NAV3: variants seen among roughly 807,000 people sequenced by gnomAD.
NAV3 encodes pore membrane and/or filament interacting like protein 1.
In NAV3, 87 loss-of-function variants were observed where a neutral mutation model predicts 244.7. That is an observed-to-expected ratio of 0.36 (90% confidence interval 0.30 to 0.42). The LOEUF is 0.42. Among genes scored for constraint, NAV3 ranks in the 20% least tolerant of loss-of-function variants. NAV3 has a pLI of 1.00. For missense variants in NAV3, 2,663 were observed against 2,893.3 expected, an observed-to-expected ratio of 0.92 and a Z score of 1.83; for synonymous variants, 1,126 against 1,042.2, an observed-to-expected ratio of 1.08 and a Z score of -1.55.
chr12:77,684,381 G>A (rs1317022988), intron 2 of NAV3, among the ~76,000 whole-genome samples: 1 of 151,780 alleles, frequency 6.6e-6, no homozygotes, highest in Non-Finnish European at 1.5e-5. Context: ...ATTTCTCTCT[G>A]TCTCTCTCTC....
intron 20 of NAV3, among the ~76,000 whole-genome samples, 167 bp from the exon 21 acceptor site, chr12:78,146,200 TAA>T (rs1397950174): frequency 6.6e-6 from 1 of 152,124 alleles, no homozygotes; most frequent in Non-Finnish European, 1.5e-5. Context: ...TATAAAATTC[TAA>T]AGTAACTTGC....
chr12:78,085,950 G>A (rs967207403), intron 12 of NAV3, among the ~76,000 whole-genome samples: 3 of 152,082 alleles, frequency 2.0e-5, no homozygotes, highest in African/African-American at 7.2e-5. Context: ...AAATTTGTCA[G>A]AGACAATGTG....
chr12:77,978,444 ACTTT>A (rs1868908289), intron 5 of NAV3, among the ~76,000 whole-genome samples: 1 of 152,148 alleles, frequency 6.6e-6, no homozygotes. Context: ...TGTATGAGCC[ACTTT>A]CTTCTCAAAT....
intron 12 of NAV3, among the ~76,000 whole-genome samples, chr12:78,064,298 T>C (rs148919950): frequency 0.025 from 3,770 of 152,258 alleles, 84 homozygotes; most frequent in South Asian, 0.067. Flanking sequence ...GCAAATTTGT[T>C]TTTTGATGAG....
intron 2 of NAV3, among the ~76,000 whole-genome samples, chr12:77,692,004 G>A (rs1016959733): frequency 1.3e-5 from 2 of 151,878 alleles, no homozygotes; most frequent in African/African-American, 2.4e-5. Context: ...ATCACCATTA[G>A]CAATGACATT....
intron 1 of NAV3, among the ~76,000 whole-genome samples, chr12:77,878,531 T>A (rs982329760): frequency 2.0e-5 from 3 of 151,970 alleles, no homozygotes; most frequent in African/African-American, 7.2e-5. Context: ...ACCCAGCCAG[T>A]AATGTATTAA....
chr12:77,879,471 C>T (rs1284814928), intron 1 of NAV3, among the ~76,000 whole-genome samples: 1 of 151,834 alleles, frequency 6.6e-6, no homozygotes, highest in African/African-American at 2.4e-5. Context: ...AGTTCGAGAC[C>T]AGCCTGGCAC....
intron 12 of NAV3, among the ~76,000 whole-genome samples, chr12:78,088,203 A>T (rs896032238): frequency 6.6e-6 from 1 of 152,086 alleles, no homozygotes; most frequent in African/African-American, 2.4e-5. Context: ...TTAACATAAT[A>T]TATAAAATAC....
chr12:77,971,616 A>G (rs562251818), intron 5 of NAV3, among the ~76,000 whole-genome samples: 1 of 152,242 alleles, frequency 6.6e-6, no homozygotes, highest in Non-Finnish European at 1.5e-5. Flanking sequence ...ATGGGTTAGA[A>G]CCAAGATAAT....
intron 2 of NAV3, chr12:77,572,387 C>T (rs2136643391): frequency 6.6e-6 from 1 of 152,420 alleles, no homozygotes; most frequent in African/African-American, 2.4e-5. Flanking sequence ...ATCAACCCTG[C>T]TGTATGGCAA....
intron 1 of NAV3, among the ~76,000 whole-genome samples, chr12:77,932,593 A>T (rs913994056): frequency 5.3e-5 from 8 of 152,286 alleles, no homozygotes; most frequent in African/African-American, 1.7e-4. Flanking sequence ...AAACTATTTT[A>T]TCATCTAGAA....
intron 2 of NAV3, among the ~76,000 whole-genome samples, chr12:77,652,818 A>G (rs999055886): frequency 6.6e-6 from 1 of 152,268 alleles, no homozygotes; most frequent in African/African-American, 2.4e-5. Flanking sequence ...AGTAGAGCCC[A>G]TTATCAAGCA....
chr12:78,050,655 C>T (rs961505827), intron 10 of NAV3, 109 bp from the exon 11 acceptor site: 41 of 1,115,212 alleles, frequency 3.7e-5, no homozygotes, highest in South Asian at 6.4e-5. Context: ...GGGAAGATGA[C>T]GTGTTTATAA....
chr12:78,146,408 GC>G lies in NAV3; in HGVS notation c.4707+17del. The G allele has an allele frequency of 9.6e-7, 1 of 1,038,234 alleles. No individual in the cohort carries two copies. Among genetic ancestry groups the G allele is most frequent in the Non-Finnish European group, 1.3e-6 (1 of 741,566 alleles). 64.3% of individuals were successfully genotyped at this position (1,038,234 alleles called of 1,614,324 possible). A position where few individuals can be genotyped will look rare whatever the true frequency, so the allele number is the denominator to read the frequency against. ...TCATTCAGAGGTAAAAAAAAAATAT[GC>G]AATATTTTAATATTTTCTATTTTAG... On this transcript the variant is annotated intron_variant, in intron 21 of 39. Coordinates refer to ENST00000397909, the MANE Select transcript of NAV3 (RefSeq NM_001024383.2).
intron 1 of NAV3, among the ~76,000 whole-genome samples, chr12:77,909,825 G>A (rs1886394764): frequency 6.6e-6 from 1 of 151,972 alleles, no homozygotes; most frequent in African/African-American, 2.4e-5. Context: ...AATCTTAATG[G>A]TATCACAATT....
chr12:78,080,406 T>C (rs549815494), intron 12 of NAV3, among the ~76,000 whole-genome samples: 484 of 152,358 alleles, frequency 3.2e-3, no homozygotes, highest in Non-Finnish European at 4.9e-3. Context: ...TTAAAAGTTT[T>C]CTATCTTGAA....
At chr12:77,981,470 A>G (rs1869551492) in intron 5 of NAV3, among the ~76,000 whole-genome samples, 1 of 152,152 alleles carries the variant, frequency 6.6e-6, no homozygotes. Context: ...TAGGACACAT[A>G]AAGAAATTTA....
At chr12:77,838,195 G>A (rs116270167) in intron 1 of NAV3, among the ~76,000 whole-genome samples, 67 of 152,270 alleles carry the variant, frequency 4.4e-4, no homozygotes, top group African/African-American at 1.5e-3. Flanking sequence ...TTAAACTGTC[G>A]TGGTCATTTT....
At chr12:77,760,506 G>A (rs1168516611) in intron 2 of NAV3, among the ~76,000 whole-genome samples, 1 of 152,198 alleles carries the variant, frequency 6.6e-6, no homozygotes, top group African/African-American at 2.4e-5. Context: ...CAGTTGGAGA[G>A]TTTGAAAAGG....
Sources: allele counts gnomAD v4.1 joint callset (sites outside exome capture counted in the v4.1 genomes callset), GRCh38; gene constraint gnomAD v4.1.1; transcripts MANE v1.5; gene names NCBI Gene and HGNC (gene_info 2026-07-23, HGNC 2026-07-21).